The following CAMKMT variants were observed in gnomAD, a reference collection of about 807,000 sequenced individuals.
CAMKMT encodes the protein CaM KMT.
A neutral mutation model predicts 48.0 loss-of-function variants in CAMKMT; 53 were observed. That is an observed-to-expected ratio of 1.10 (90% CI 0.89 to 1.39). The LOEUF is 1.39. CAMKMT is among the 40% of genes most tolerant of loss of function. CAMKMT has a pLI of 0.00. For synonymous variants in CAMKMT, 165 were observed against 152.3 expected, an observed-to-expected ratio of 1.08 and a Z score of -0.61; for missense variants, 428 against 402.7, an observed-to-expected ratio of 1.06 and a Z score of -0.54.
chr2:44,522,349 G>C (rs1671163976), intron 3 of CAMKMT, among the ~76,000 whole-genome samples: 1 of 151,744 alleles, frequency 6.6e-6, no homozygotes, highest in African/African-American at 2.4e-5. Context: ...TGTCTAAACT[G>C]ATACAATTCC....
At chr2:44,628,167 C>G (rs190663280) in intron 3 of CAMKMT, among the ~76,000 whole-genome samples, 4 of 152,242 alleles carry the variant, frequency 2.6e-5, no homozygotes, top group South Asian at 2.1e-4. Context: ...AGGCTAGTCT[C>G]AAACTCTTGA....
intron 3 of CAMKMT, among the ~76,000 whole-genome samples, chr2:44,502,234 A>G (rs1175760437): frequency 2.0e-5 from 3 of 151,986 alleles, no homozygotes; most frequent in African/African-American, 7.2e-5. Context: ...AAAAAAAAAA[A>G]TTACCGAATA....
intron 3 of CAMKMT, among the ~76,000 whole-genome samples, chr2:44,553,236 A>C (rs927481875): frequency 1.3e-5 from 2 of 151,688 alleles, no homozygotes; most frequent in African/African-American, 4.8e-5. Flanking sequence ...ATGTGTAGAT[A>C]GCATATGAAC....
intron 3 of CAMKMT, among the ~76,000 whole-genome samples, chr2:44,488,109 A>T (rs1243657904): frequency 6.6e-6 from 1 of 152,250 alleles, no homozygotes; most frequent in Non-Finnish European, 1.5e-5. Flanking sequence ...TGTGTCTCAT[A>T]CCAATATCAA....
chr2:44,640,039 GA>G (rs930766496), intron 3 of CAMKMT, among the ~76,000 whole-genome samples: 20 of 152,206 alleles, frequency 1.3e-4, no homozygotes, highest in African/African-American at 4.8e-4. Flanking sequence ...CCTCCTGCTT[GA>G]AAACTGAGCT....
At chr2:44,467,896 A>G (rs370229107) in intron 3 of CAMKMT, among the ~76,000 whole-genome samples, 25 of 152,334 alleles carry the variant, frequency 1.6e-4, no homozygotes, top group African/African-American at 6.0e-4. Flanking sequence ...CAAAACTATG[A>G]AACTACCAGA....
At chr2:44,488,124 A>G (rs1181476726) in intron 3 of CAMKMT, among the ~76,000 whole-genome samples, 1 of 152,250 alleles carries the variant, frequency 6.6e-6, no homozygotes, top group Non-Finnish European at 1.5e-5. Flanking sequence ...TATCAATGAC[A>G]TTAAAGTCTC....
At chr2:44,375,171 GT>G (rs148190917) in intron 2 of CAMKMT, among the ~76,000 whole-genome samples, 4 of 147,056 alleles carry the variant, frequency 2.7e-5, no homozygotes, top group Non-Finnish European at 3.0e-5. Flanking sequence ...CAGGGTTTCT[GT>G]TTTTTTTTTG....
chr2:44,673,831 G>T (rs1449743592), intron 3 of CAMKMT, among the ~76,000 whole-genome samples: 1 of 152,100 alleles, frequency 6.6e-6, no homozygotes, highest in Non-Finnish European at 1.5e-5. Context: ...AAAGAATTTG[G>T]GAAAGATTAA....
At chr2:44,661,551 G>C (rs1674681366) in intron 3 of CAMKMT, among the ~76,000 whole-genome samples, 1 of 152,046 alleles carries the variant, frequency 6.6e-6, no homozygotes, top group South Asian at 2.1e-4. Context: ...CCTGACCTCA[G>C]GTGAGCAGAC....
chr2:44,768,588 C>T (rs1680962462), intron 10 of CAMKMT, among the ~76,000 whole-genome samples: 1 of 151,958 alleles, frequency 6.6e-6, no homozygotes, highest in Non-Finnish European at 1.5e-5. Context: ...CGCCGCTGCT[C>T]CTCGCCCATC....
chr2:44,581,913 C>T (rs973661778), intron 3 of CAMKMT, among the ~76,000 whole-genome samples: 2 of 152,202 alleles, frequency 1.3e-5, no homozygotes, highest in Admixed American at 6.5e-5. Context: ...GCAGATGAAT[C>T]GCTTGAACCA....
chr2:44,480,616 T>A (rs915950635), intron 3 of CAMKMT, among the ~76,000 whole-genome samples: 1 of 152,206 alleles, frequency 6.6e-6, no homozygotes, highest in Non-Finnish European at 1.5e-5. Context: ...GAATTCTATC[T>A]TTGTTTTAAA....
chr2:44,604,556 T>TG (rs977210678), intron 3 of CAMKMT, among the ~76,000 whole-genome samples: 1 of 106,948 alleles, frequency 9.4e-6, no homozygotes, highest in African/African-American at 2.9e-5. Flanking sequence ...AAAGCCAATC[T>TG]GGTTTTTTTT....
rs577755721 is a variant in CAMKMT at position 44,767,803 on chromosome 2, C to T, written c.894+1242C>T. Among the ~76,000 whole-genome samples the T allele has an allele frequency of 9.9e-5, 15 of 152,268 alleles. No individual in the cohort carries two copies. The South Asian group carries it at 3.1e-3, about 32-fold the overall frequency. Reference sequence around the variant, plus strand: ...TCCCTCCTGGCTCCCTGGACTCCTCCACCCAAAGGAATAATGTGGCTTTCT... The same window carrying T: ...TCCCTCCTGGCTCCCTGGACTCCTCTACCCAAAGGAATAATGTGGCTTTCT... On this transcript the variant is annotated intron_variant, in intron 10 of 10. Coordinates refer to ENST00000378494, the MANE Select transcript of CAMKMT (RefSeq NM_024766.5).
intron 7 of CAMKMT, among the ~76,000 whole-genome samples, chr2:44,717,326 A>G (rs1392980553): frequency 1.3e-5 from 2 of 152,096 alleles, no homozygotes; most frequent in Non-Finnish European, 2.9e-5. Context: ...AAAGTCTACT[A>G]AAGCACTTTC....
intron 3 of CAMKMT, among the ~76,000 whole-genome samples, chr2:44,396,857 G>A (rs1466684815): frequency 6.6e-6 from 1 of 151,682 alleles, no homozygotes; most frequent in Non-Finnish European, 1.5e-5. Flanking sequence ...TCAGGAGATC[G>A]AGACCATCCT....
At chr2:44,701,249 G>T (rs1333456064) in intron 3 of CAMKMT, among the ~76,000 whole-genome samples, 3 of 152,186 alleles carry the variant, frequency 2.0e-5, no homozygotes, top group Admixed American at 6.5e-5. Flanking sequence ...CCCACCAGCA[G>T]TGCATCAGGG....
At chr2:44,673,474 G>A (rs888708561) in intron 3 of CAMKMT, among the ~76,000 whole-genome samples, 9 of 77,064 alleles carry the variant, frequency 1.2e-4, no homozygotes, top group African/African-American at 4.0e-4. Flanking sequence ...AGAGAGAGAG[G>A]AAGGAAGGAA....
Sources: gnomAD v4.1 joint callset for allele counts (sites outside exome capture counted in the v4.1 genomes callset) on GRCh38, gnomAD v4.1.1 for gene constraint, MANE v1.5 for transcripts, NCBI Gene and HGNC (gene_info 2026-07-23, HGNC 2026-07-21) for gene names.